Variants in RPS6KA2 observed in about 807,000 individuals in gnomAD.
RPS6KA2 encodes ribosomal protein S6 kinase alpha-2.
In RPS6KA2, 42 loss-of-function variants were observed where a neutral mutation model predicts 91.8. The observed-to-expected ratio is 0.46, with a 90% confidence interval of 0.36 to 0.59. RPS6KA2 has a LOEUF of 0.59. RPS6KA2 is among the 20% of genes least tolerant of loss of function. The pLI is 0.00. For synonymous variants in RPS6KA2, 414 were observed against 393.6 expected, an observed-to-expected ratio of 1.05 and a Z score of -0.61; for missense variants, 798 against 978.5, an observed-to-expected ratio of 0.82 and a Z score of 2.46.
At chr6:166,565,317 C>T (rs192737873) in intron 1 of RPS6KA2, among the ~76,000 whole-genome samples, 5 of 152,338 alleles carry the variant, frequency 3.3e-5, no homozygotes, top group Admixed American at 6.5e-5. Flanking sequence ...CTGGCTTTAA[C>T]GAAGCCCTGA....
chr6:166,748,532 CGGGCCCCCCATCCCCTT>C (rs1269320624), intron 2 of RPS6KA2, among the ~76,000 whole-genome samples: 27 of 147,632 alleles, frequency 1.8e-4, no homozygotes, highest in South Asian at 1.1e-3. Flanking sequence ...CCCACCTCCT[CGGGCCCCCCATCCCCTT>C]GGGCCCCCAC....
At chr6:166,506,241 C>T (rs1049925207) in intron 5 of RPS6KA2, among the ~76,000 whole-genome samples, 21 of 152,310 alleles carry the variant, frequency 1.4e-4, no homozygotes, top group Non-Finnish European at 2.2e-4. Context: ...CTGTGGTGCC[C>T]GCCCTGGACA....
intron 5 of RPS6KA2, among the ~76,000 whole-genome samples, chr6:166,505,651 G>A (rs568629937): frequency 9.8e-5 from 15 of 152,350 alleles, no homozygotes; most frequent in East Asian, 7.7e-4. Flanking sequence ...GCGTCAGGCC[G>A]ACAGCCGGGC....
At chr6:166,560,431 A>G (rs915438224) in intron 1 of RPS6KA2, among the ~76,000 whole-genome samples, 1 of 152,248 alleles carries the variant, frequency 6.6e-6, no homozygotes, top group Non-Finnish European at 1.5e-5. Flanking sequence ...TGAGGCTTAC[A>G]ATTGTTTTCC....
At chr6:166,430,978 G>A (rs555078733) in intron 15 of RPS6KA2, among the ~76,000 whole-genome samples, 3 of 152,192 alleles carry the variant, frequency 2.0e-5, no homozygotes, top group African/African-American at 7.2e-5. Context: ...AGGCTGAAGT[G>A]CAGTGGCGCC....
At chr6:166,542,460 G>C (rs979082417) in intron 1 of RPS6KA2, 1 of 152,230 alleles carries the variant, frequency 6.6e-6, no homozygotes, top group African/African-American at 2.4e-5. Context: ...TATTTTTAAA[G>C]CTAACTTGAG....
chr6:166,671,520 A>C (rs1040446), intron 2 of RPS6KA2, among the ~76,000 whole-genome samples: 31,891 of 151,960 alleles, frequency 0.21, 4,743 homozygotes, highest in African/African-American at 0.42. Context: ...GACTCTTCTC[A>C]TGATCAAAGT....
chr6:166,698,365 G>T (rs78941946), intron 2 of RPS6KA2, among the ~76,000 whole-genome samples: 2,102 of 152,304 alleles, frequency 0.014, 42 homozygotes, highest in African/African-American at 0.047. Flanking sequence ...GGGAAGCAAG[G>T]TCAACCTCTG....
chr6:166,661,651 C>T (rs2128557788), intron 2 of RPS6KA2, among the ~76,000 whole-genome samples: 1 of 151,902 alleles, frequency 6.6e-6, no homozygotes, highest in African/African-American at 2.4e-5. Context: ...GTCTATTTGC[C>T]TTATCATTTT....
chr6:166,702,785 C>G, intron 2 of RPS6KA2: 1 of 1,113,670 alleles, frequency 9.0e-7, no homozygotes. Context: ...AAGATACCTT[C>G]TAGGTCCAAG....
intron 1 of RPS6KA2, among the ~76,000 whole-genome samples, chr6:166,593,456 T>C (rs1458978093): frequency 6.6e-6 from 1 of 152,216 alleles, no homozygotes. Context: ...TGTGATCAAG[T>C]GTTAACAGAG....
intron 2 of RPS6KA2, among the ~76,000 whole-genome samples, chr6:166,652,770 C>A (rs143214195): frequency 1.3e-5 from 2 of 152,150 alleles, no homozygotes; most frequent in East Asian, 3.9e-4. Flanking sequence ...TGAATCGTAC[C>A]GAGATTTTCA....
chr6:166,515,005 G>A (rs529790238), intron 3 of RPS6KA2, among the ~76,000 whole-genome samples: 1 of 152,248 alleles, frequency 6.6e-6, no homozygotes, highest in Admixed American at 6.5e-5. Flanking sequence ...ATACAGATGC[G>A]AACGCCCACC....
intron 2 of RPS6KA2, among the ~76,000 whole-genome samples, chr6:166,781,323 A>C (rs1269894573): frequency 1.3e-5 from 2 of 152,240 alleles, no homozygotes; most frequent in South Asian, 2.1e-4. Context: ...ATGACTTCTT[A>C]ACGTCAGTGG....
intron 10 of RPS6KA2, among the ~76,000 whole-genome samples, chr6:166,486,241 CA>C (rs1781403883): frequency 1.2e-5 from 1 of 80,370 alleles, no homozygotes; most frequent in East Asian, 7.3e-4. Context: ...CCATGAACCC[CA>C]CACACAGCTG....
At chr6:166,677,421 G>A (rs191036686) in intron 2 of RPS6KA2, among the ~76,000 whole-genome samples, 21 of 151,604 alleles carry the variant, frequency 1.4e-4, no homozygotes, top group Non-Finnish European at 2.8e-4. Context: ...AAGTGTAGTG[G>A]CATGATGTCG....
In RPS6KA2 at chr6:166,626,897, G is replaced by C; in HGVS notation, c.99+24C>G. On this transcript the variant is annotated intron_variant, in intron 1 of 20. Transcript: ENST00000265678. This position sits in a 1 kb window ranked among gnomAD's most constrained non-coding sequence, Gnocchi z 4.1. ...GGCCCGCTCAGTGCCCGGCACCTGC[G>C]CGCCCCGAGGGCGGCCGCATTACCT... 5 of 1,468,872 alleles carry C rather than the reference G, an allele frequency of 3.4e-6. No individual in the cohort carries two copies. The highest frequency in any genetic ancestry group is 4.5e-6 in the Non-Finnish European group (5 of 1,103,166). 91.0% of individuals were successfully genotyped at this position (1,468,872 alleles called of 1,614,324 possible).
chr6:166,840,307 T>C (rs908758297), intron 2 of RPS6KA2, among the ~76,000 whole-genome samples: 1 of 152,178 alleles, frequency 6.6e-6, no homozygotes, highest in Admixed American at 6.5e-5. Context: ...GTGGTTTCCA[T>C]GCACAGCAAA....
intron 2 of RPS6KA2, among the ~76,000 whole-genome samples, chr6:166,715,663 G>A (rs908991135): frequency 1.3e-5 from 2 of 152,202 alleles, no homozygotes; most frequent in African/African-American, 4.8e-5. Context: ...TGTAGCCCAT[G>A]GCTCCTAGGC....
Sources: gnomAD v4.1 joint callset for allele counts (sites outside exome capture counted in the v4.1 genomes callset) on GRCh38, gnomAD v4.1.1 for gene constraint, Gnocchi (gnomAD v3.1) non-coding constraint, MANE v1.5 for transcripts, NCBI Gene and HGNC (gene_info 2026-07-23, HGNC 2026-07-21) for gene names.